The following CABIN1 variants were observed in gnomAD, a reference collection of about 807,000 sequenced individuals.
CABIN1 encodes calcineurin-binding protein cabin-1.
A neutral mutation model predicts 227.7 loss-of-function variants in CABIN1; 133 were observed. The ratio of observed to expected loss-of-function variants is 0.58; its 90% CI spans 0.51 to 0.67. The LOEUF is 0.67. Ranked by LOEUF, CABIN1 falls within the 30% of genes least tolerant of loss-of-function variation. The pLI, the probability that CABIN1 is intolerant of heterozygous loss-of-function variation, is 0.00. For missense variants in CABIN1, 2,408 were observed against 2,852.5 expected (o/e 0.84, Z 3.55); for synonymous variants, 1,086 against 1,155.1 (o/e 0.94, Z 1.21).
chr22:24,071,697 CA>C (rs1332213813), intron 17 of CABIN1, among the ~76,000 whole-genome samples: 1 of 152,210 alleles, frequency 6.6e-6, no homozygotes, highest in Non-Finnish European at 1.5e-5. Flanking sequence ...GGCACCTTTC[CA>C]AAACAGATAT....
At chr22:24,017,354 C>G (rs955526780) in intron 1 of CABIN1, among the ~76,000 whole-genome samples, 7 of 152,114 alleles carry the variant, frequency 4.6e-5, no homozygotes, top group Admixed American at 1.3e-4. Context: ...TCATTTTAAC[C>G]ATTTTTTAAG....
intron 26 of CABIN1, among the ~76,000 whole-genome samples, chr22:24,100,891 C>T (rs2042163734): frequency 6.6e-6 from 1 of 152,262 alleles, no homozygotes; most frequent in South Asian, 2.1e-4. Flanking sequence ...ATTGCAGCCA[C>T]CTCCTGGATG....
At chr22:24,095,609 A>G (rs2041842822) in intron 24 of CABIN1, among the ~76,000 whole-genome samples, 1 of 152,218 alleles carries the variant, frequency 6.6e-6, no homozygotes, top group Non-Finnish European at 1.5e-5. Flanking sequence ...CAAAGAGAAC[A>G]GCAGCACTGT....
intron 29 of CABIN1, among the ~76,000 whole-genome samples, chr22:24,146,105 A>C (rs2045098754): frequency 1.3e-5 from 2 of 152,258 alleles, no homozygotes; most frequent in South Asian, 4.1e-4. Context: ...ACCCAGTCAC[A>C]TAACAGTGGG....
At chr22:24,055,191 G>T in intron 9 of CABIN1, 32 bp downstream of exon 9, 1 of 1,602,704 alleles carries the variant, frequency 6.2e-7, no homozygotes. Flanking sequence ...GGCTTCCGGG[G>T]AGACCCCGTT....
At chr22:24,165,736 C>G (rs45487198) in intron 31 of CABIN1, 110 bp downstream of exon 31, 1 of 862,052 alleles carries the variant, frequency 1.2e-6, no homozygotes, top group Non-Finnish European at 1.9e-6. Flanking sequence ...CAGGATGTGC[C>G]TAAGGGTCCC....
intron 29 of CABIN1, among the ~76,000 whole-genome samples, chr22:24,158,678 T>C (rs2045978495): frequency 6.6e-6 from 1 of 152,120 alleles, no homozygotes; most frequent in Non-Finnish European, 1.5e-5. Context: ...ACCAGCTGCA[T>C]CCTGGTTTTT....
At chr22:24,108,364 C>T (rs2042629918) in intron 26 of CABIN1, among the ~76,000 whole-genome samples, 1 of 152,206 alleles carries the variant, frequency 6.6e-6, no homozygotes, top group South Asian at 2.1e-4. Context: ...TTCTTGATCC[C>T]CTCATGCTGG....
intron 1 of CABIN1, among the ~76,000 whole-genome samples, chr22:24,013,122 A>G (rs961298380): frequency 6.0e-5 from 9 of 151,150 alleles, no homozygotes; most frequent in Non-Finnish European, 8.8e-5. Flanking sequence ...ATGGTGAACA[A>G]TACATAAATG....
chr22:24,172,279 G>C (rs1441956348), intron 34 of CABIN1, among the ~76,000 whole-genome samples: 1 of 152,208 alleles, frequency 6.6e-6, no homozygotes, highest in East Asian at 1.9e-4. Context: ...CATCACGGAC[G>C]TGTTTGCTAC....
chr22:24,068,886 G>A (rs2039884338), intron 16 of CABIN1, among the ~76,000 whole-genome samples: 1 of 152,168 alleles, frequency 6.6e-6, no homozygotes, highest in African/African-American at 2.4e-5. Flanking sequence ...TACACACATA[G>A]CTTGAGCTTT....
intron 6 of CABIN1, among the ~76,000 whole-genome samples, chr22:24,046,040 C>T (rs2037853729): frequency 6.6e-6 from 1 of 152,176 alleles, no homozygotes; most frequent in Admixed American, 6.5e-5. Context: ...TTTTTACAAC[C>T]TCCTAAGGCA....
chr22:24,116,961 T>G (rs1003920854), intron 27 of CABIN1, among the ~76,000 whole-genome samples: 21 of 152,258 alleles, frequency 1.4e-4, no homozygotes, highest in African/African-American at 5.1e-4. Flanking sequence ...ACTTGCTTTT[T>G]CTTGGTAGAA....
chr22:24,168,351 C>A, intron 32 of CABIN1, 96 bp from the exon 33 acceptor site: 1 of 1,249,920 alleles, frequency 8.0e-7, no homozygotes, highest in Non-Finnish European at 1.1e-6. Flanking sequence ...GGCATGCCCC[C>A]TACCTAGGCT....
intron 18 of CABIN1, 43 bp downstream of exon 18, chr22:24,072,553 A>G (rs1409501882): frequency 1.2e-6 from 2 of 1,612,124 alleles, no homozygotes; most frequent in Non-Finnish European, 1.7e-6. Flanking sequence ...TCTGACTCCC[A>G]TGTCCTTGCC....
At chr22:24,156,093 G>T (rs1407875110) in intron 29 of CABIN1, 3 of 415,594 alleles carry the variant, frequency 7.2e-6, no homozygotes, top group Non-Finnish European at 1.3e-5. Context: ...ACTTGGCGGG[G>T]GCGGGGGCCG....
Position 24,054,969 on chromosome 22 carries a change from G to C in CABIN1, c.903G>C (p.Ser301=), listed in dbSNP as rs200436672. 1.9e-6 allele frequency: 3 copies of C among 1,614,176 alleles called. No homozygotes were observed. The highest frequency in any genetic ancestry group is 2.5e-6 in the Non-Finnish European group (3 of 1,180,026). Residue 301 remains serine (S), a synonymous_variant, in exon 9 of 37, where the codon TCG becomes TCC. Coordinates refer to ENST00000263119, the MANE Select transcript of CABIN1 (RefSeq NM_012295.4). The part of the protein sequence containing the change: ...RPSLGKRIDL[S]DYQDPSQPLE... ...GCCTTGGCAAAAGGATTGATTTGTCGGACTACCAGGACCCCAGCCAGCCTC... is the reference window on the plus strand; with the variant it reads ...GCCTTGGCAAAAGGATTGATTTGTCCGACTACCAGGACCCCAGCCAGCCTC...
chr22:24,145,297 A>G (rs894983457), intron 29 of CABIN1, among the ~76,000 whole-genome samples: 2 of 152,178 alleles, frequency 1.3e-5, no homozygotes, highest in African/African-American at 4.8e-5. Context: ...GGGCTGGGGC[A>G]GAGGCAGCAG....
intron 14 of CABIN1, 130 bp from the exon 15 acceptor site, chr22:24,063,905 G>A (rs1198537992): frequency 9.6e-7 from 1 of 1,043,206 alleles, no homozygotes; most frequent in East Asian, 2.4e-5. Flanking sequence ...TCTTAGGGGG[G>A]TACAGTGTAA....
Sources: allele counts gnomAD v4.1 joint callset (sites outside exome capture counted in the v4.1 genomes callset), GRCh38; gene constraint gnomAD v4.1.1; transcripts MANE v1.5; gene names NCBI Gene and HGNC (gene_info 2026-07-23, HGNC 2026-07-21).